Variants in PRKCE observed in about 807,000 individuals in gnomAD.
PRKCE encodes protein kinase C epsilon.
PRKCE carries 16 observed loss-of-function variants against 85.4 expected under a neutral mutation model. The observed-to-expected ratio is 0.19, with a 90% confidence interval of 0.13 to 0.28. The LOEUF is 0.28. PRKCE is among the 10% of genes least tolerant of loss of function. The pLI, the probability that PRKCE is intolerant of heterozygous loss-of-function variation, is 1.00. For missense variants in PRKCE, 573 were observed against 975.2 expected (o/e 0.59, Z 5.49); for synonymous variants, 388 against 371.5 (o/e 1.04, Z -0.51).
intron 14 of PRKCE, among the ~76,000 whole-genome samples, chr2:46,174,429 T>A (rs568714822): frequency 7.9e-5 from 12 of 152,372 alleles, no homozygotes; most frequent in Middle Eastern, 3.4e-3. Flanking sequence ...ATAACTTTTT[T>A]AAAATCGAAT....
intron 10 of PRKCE, among the ~76,000 whole-genome samples, chr2:46,028,602 A>G (rs1337526410): frequency 6.6e-6 from 1 of 152,212 alleles, no homozygotes; most frequent in Non-Finnish European, 1.5e-5. Flanking sequence ...CTGCCATCAC[A>G]TACGTAAATG....
At chr2:45,820,244 A>G (rs896798285) in intron 1 of PRKCE, among the ~76,000 whole-genome samples, 1 of 152,070 alleles carries the variant, frequency 6.6e-6, no homozygotes, top group Non-Finnish European at 1.5e-5. Context: ...CCTGGAACAC[A>G]TAGAACACTG....
At chr2:45,922,608 C>T (rs576454741) in intron 2 of PRKCE, among the ~76,000 whole-genome samples, 1 of 152,350 alleles carries the variant, frequency 6.6e-6, no homozygotes, top group South Asian at 2.1e-4. Context: ...CCACCCCAAG[C>T]CCATGTGGGC....
chr2:45,851,440 T>C (rs1692248873), intron 2 of PRKCE, among the ~76,000 whole-genome samples: 1 of 152,096 alleles, frequency 6.6e-6, no homozygotes, highest in South Asian at 2.1e-4. Flanking sequence ...GATATGCTTG[T>C]GTGTGTTTGG....
intron 11 of PRKCE, among the ~76,000 whole-genome samples, chr2:46,094,002 G>A (rs982300658): frequency 1.3e-5 from 2 of 151,956 alleles, no homozygotes; most frequent in African/African-American, 4.8e-5. Context: ...ATATCTCTTT[G>A]TTTTCTATGT....
intron 10 of PRKCE, among the ~76,000 whole-genome samples, chr2:46,038,147 C>G (rs959736009): frequency 6.6e-6 from 1 of 152,006 alleles, no homozygotes. Flanking sequence ...TAGTTATCTT[C>G]TTTATAAGCC....
intron 1 of PRKCE, among the ~76,000 whole-genome samples, chr2:45,717,263 G>T (rs1680212258): frequency 6.6e-6 from 1 of 152,186 alleles, no homozygotes; most frequent in Non-Finnish European, 1.5e-5. Flanking sequence ...TAGCATCCAG[G>T]TTTGTGTGTC....
chr2:46,063,263 G>T (rs1471096316), intron 10 of PRKCE, among the ~76,000 whole-genome samples: 4 of 151,666 alleles, frequency 2.6e-5, no homozygotes, highest in Non-Finnish European at 4.4e-5. Flanking sequence ...ATAGCTAGGT[G>T]ATATTCTAGG....
intron 1 of PRKCE, among the ~76,000 whole-genome samples, chr2:45,762,808 G>T (rs539148943): frequency 8.5e-5 from 13 of 152,336 alleles, no homozygotes; most frequent in African/African-American, 3.1e-4. Flanking sequence ...AGATAAGAAA[G>T]TGTCAAGCCT....
Position 45,774,367 on chromosome 2 carries a change from G to A in PRKCE, c.349-68633G>A, listed in dbSNP as rs1685584696. On this transcript the variant is annotated intron_variant, in intron 1 of 14. Transcript: ENST00000306156. This position sits in a 1 kb window ranked among gnomAD's most constrained non-coding sequence, Gnocchi z 4.3. ...CTGTGGAAGTGCTCACTAAATAGGT[G>A]TTGAACGGAGGTGTGAACCCAGGAT... Among the ~76,000 whole-genome samples, 1 of 152,208 alleles carries A rather than the reference G, an allele frequency of 6.6e-6. No individual in the cohort carries two copies. Among genetic ancestry groups the A allele is most frequent in the Non-Finnish European group, 1.5e-5 (1 of 68,030 alleles).
At chr2:45,937,091 T>A (rs1699517846) in intron 2 of PRKCE, among the ~76,000 whole-genome samples, 1 of 152,242 alleles carries the variant, frequency 6.6e-6, no homozygotes, top group Non-Finnish European at 1.5e-5. Context: ...TCCCAGGGGA[T>A]GAGCAAGATG....
At chr2:45,981,036 C>T (rs543781192) in intron 5 of PRKCE, among the ~76,000 whole-genome samples, 2 of 152,340 alleles carry the variant, frequency 1.3e-5, no homozygotes, top group South Asian at 4.1e-4. Context: ...TGTTCTAAAG[C>T]CTGAGCCCTT....
chr2:45,762,495 C>G (rs1684587779), intron 1 of PRKCE, among the ~76,000 whole-genome samples: 2 of 152,156 alleles, frequency 1.3e-5, no homozygotes, highest in Non-Finnish European at 2.9e-5. Context: ...TTTGGTACAC[C>G]AAGGCTCTTT....
chr2:45,667,282 G>A (rs1330633339), intron 1 of PRKCE, among the ~76,000 whole-genome samples: 1 of 152,112 alleles, frequency 6.6e-6, no homozygotes, highest in East Asian at 1.9e-4. Flanking sequence ...CTGCACTCCA[G>A]CCTGGGTAAC....
At position 45,654,227 on chromosome 2, in the gene PRKCE, G is replaced by T. The variant is rs1177025728; in HGVS notation, c.348+1779G>T. 2.0e-5 allele frequency among the ~76,000 whole-genome samples: 3 copies of T among 152,228 alleles called. No individual in the cohort carries two copies. In the East Asian group the frequency reaches 5.8e-4, roughly 29 times the overall value. On this transcript the variant is annotated intron_variant, in intron 1 of 14. Transcript: ENST00000306156. ...ATAGAACAGATGTTGGTTGGAGGGA[G>T]AGTGTCTTTGTATCTCTGGTGATGC...
intron 14 of PRKCE, among the ~76,000 whole-genome samples, chr2:46,183,198 A>C (rs1227397410): frequency 6.6e-6 from 1 of 152,212 alleles, no homozygotes; most frequent in African/African-American, 2.4e-5. Context: ...GTTTTAGGTC[A>C]AGTTTGAGGA....
At chr2:45,739,892 C>T (rs1230725696) in intron 1 of PRKCE, among the ~76,000 whole-genome samples, 2 of 152,164 alleles carry the variant, frequency 1.3e-5, no homozygotes, top group African/African-American at 2.4e-5. Context: ...CCTCTTTAGG[C>T]CTGTTTGACA....
At chr2:45,867,430 T>C (rs897379221) in intron 2 of PRKCE, among the ~76,000 whole-genome samples, 1 of 152,236 alleles carries the variant, frequency 6.6e-6, no homozygotes, top group Non-Finnish European at 1.5e-5. Context: ...ATTTGTATTT[T>C]ACCTGGCAAC....
At chr2:45,919,605 CA>C (rs990370821) in intron 2 of PRKCE, among the ~76,000 whole-genome samples, 17 of 152,226 alleles carry the variant, frequency 1.1e-4, no homozygotes, top group African/African-American at 3.1e-4. Context: ...CCAATAGGAT[CA>C]GGGGCGGGGA....
Sources: gnomAD v4.1 joint callset for allele counts (sites outside exome capture counted in the v4.1 genomes callset) on GRCh38, gnomAD v4.1.1 for gene constraint, Gnocchi (gnomAD v3.1) non-coding constraint, MANE v1.5 for transcripts, NCBI Gene and HGNC (gene_info 2026-07-23, HGNC 2026-07-21) for gene names.